Variants in CASP1 observed in about 807,000 individuals in gnomAD.
CASP1 encodes caspase 1, also known as caspase-1.
A neutral mutation model predicts 41.2 loss-of-function variants in CASP1; 31 were observed. The ratio of observed to expected loss-of-function variants is 0.75; its 90% CI spans 0.57 to 1.02. CASP1 has a LOEUF of 1.02. Ranked by LOEUF, CASP1 falls within the 50% of genes least tolerant of loss-of-function variation. The probability of loss-of-function intolerance (pLI) is 0.00; values close to 1 mark genes in which losing one functional copy is unlikely to be tolerated. For synonymous variants in CASP1, 163 were observed against 166.5 expected, an observed-to-expected ratio of 0.98 and a Z score of 0.16; for missense variants, 490 against 495.7, an observed-to-expected ratio of 0.99 and a Z score of 0.11.
intron 5 of CASP1, 120 bp downstream of exon 5, chr11:105,030,210 G>T: frequency 2.3e-6 from 2 of 871,714 alleles, no homozygotes; most frequent in Non-Finnish European, 1.8e-6. Context: ...CTCTCTCATG[G>T]CAAGTTTGTA....
In CASP1 at chr11:105,026,253, T is replaced by C. The variant is rs2134798395; in HGVS notation, c.*5A>G. 1 of 1,576,878 alleles carries C rather than the reference T, an allele frequency of 6.3e-7. No homozygotes were observed. The highest frequency in any genetic ancestry group is 1.3e-5 in the African/African-American group (1 of 74,208). ...GCCCACAGACATTCATACAGTTTCC[T>C]TATTTTAATGTCCTGGGAAGAGGTA... On this transcript the variant is annotated 3_prime_UTR_variant, in exon 9 of 9. Coordinates refer to ENST00000533400, the MANE Select transcript of CASP1 (RefSeq NM_001257118.3).
chr11:105,026,384 C>G, intron 8 of CASP1, 28 bp from the exon 9 acceptor site: 1 of 1,396,214 alleles, frequency 7.2e-7, no homozygotes. Context: ...GTCTGTAGCC[C>G]TTTTTTTTGC....
In CASP1 at chr11:105,026,143, C is replaced by A; in HGVS notation, c.*115G>T. Reference sequence around the variant, plus strand: ...AATTTTTGGATTAAGGATTCTCAGCCTGTAAACCTAGAGTTCTTGACTCAA... The same window carrying A: ...AATTTTTGGATTAAGGATTCTCAGCATGTAAACCTAGAGTTCTTGACTCAA... On this transcript the variant is annotated 3_prime_UTR_variant, in exon 9 of 9. Transcript: ENST00000533400. The A allele has an allele frequency of 1.6e-6, 1 of 631,234 alleles. No homozygotes were observed. Among genetic ancestry groups the A allele is most frequent in the East Asian group, 2.7e-5 (1 of 36,480 alleles). The allele number at this position is 631,234 out of a possible 1,614,324, so 39.1% of individuals were successfully genotyped here. A position where few individuals can be genotyped will look rare whatever the true frequency, so the allele number is the denominator to read the frequency against.
intron 2 of CASP1, among the ~76,000 whole-genome samples, chr11:105,033,327 T>A (rs1309241223): frequency 6.6e-6 from 1 of 152,174 alleles, no homozygotes; most frequent in Non-Finnish European, 1.5e-5. Context: ...AAAATACGTG[T>A]TTATTACACA....
At chr11:105,026,410 A>C in intron 8 of CASP1, 54 bp from the exon 9 acceptor site, 1 of 1,196,820 alleles carries the variant, frequency 8.4e-7, no homozygotes, top group Non-Finnish European at 1.2e-6. Flanking sequence ...TTTTTTTTTC[A>C]AGAATTTCTT....
At chr11:105,027,559 A>C (rs1863392869) in intron 7 of CASP1, among the ~76,000 whole-genome samples, 1 of 152,122 alleles carries the variant, frequency 6.6e-6, no homozygotes, top group Non-Finnish European at 1.5e-5. Flanking sequence ...TGAAGGCATA[A>C]AATTATGCAA....
rs149497321 is a variant in CASP1, at chr11:105,033,346, A to G, written c.275-220T>C. ...TACGTGTTTATTACACATAGATGAA[A>G]ACAGAAACATCTGCAATGTCTGCTT... On this transcript the variant is annotated intron_variant, in intron 2 of 8. Coordinates refer to ENST00000533400, the MANE Select transcript of CASP1 (RefSeq NM_001257118.3). Among the ~76,000 whole-genome samples, 24 of 152,342 alleles carry G rather than the reference A, an allele frequency of 1.6e-4. No individual in the cohort carries two copies. The East Asian group carries it at 3.9e-3, about 24-fold the overall frequency.
chr11:105,027,234 A>G (rs1863364385), intron 7 of CASP1: 1 of 588,854 alleles, frequency 1.7e-6, no homozygotes, highest in Non-Finnish European at 3.0e-6. Context: ...AACTCCATAC[A>G]CAAGAGGTAT....
At chr11:105,029,926 C>T (rs764518347) in intron 5 of CASP1, 27 bp from the exon 6 acceptor site, 77 of 1,481,410 alleles carry the variant, frequency 5.2e-5, no homozygotes, top group East Asian at 2.9e-4. Context: ...CACTGATTTT[C>T]GACTATGTAA....
At position 105,034,424 on chromosome 11, in the gene CASP1, C is replaced by G; in HGVS notation, c.58G>C (p.Gly20Arg). ...TCATCCAGTAAGCCATTTATTGTAC[C>G]TTCACCCATGGAACGGATAAACAGC... ...RKLFIRSMGE[G>R]TINGLLDELL... The change falls in exon 2 of 9, where the codon GGT becomes CGT. Residue 20 changes from glycine to arginine, a missense_variant. Coordinates refer to ENST00000533400, the MANE Select transcript of CASP1 (RefSeq NM_001257118.3). The G allele has an allele frequency of 1.9e-6, 3 of 1,614,140 alleles. No individual in the cohort carries two copies. Among genetic ancestry groups the G allele is most frequent in the Non-Finnish European group, 2.5e-6 (3 of 1,180,000 alleles).
rs557900220 is a variant in CASP1, at chr11:105,025,655, G to A, written c.*603C>T. On this transcript the variant is annotated 3_prime_UTR_variant, in exon 9 of 9. Coordinates refer to ENST00000533400, the MANE Select transcript of CASP1 (RefSeq NM_001257118.3). ...AAACATAGGAAAGAATTTTGTTAAA[G>A]ACATGCAAGTTATAAAGTTATACCA... The A allele has an allele frequency of 2.3e-4, 89 of 387,238 alleles. 1 individual carries two copies. Among genetic ancestry groups the A allele is most frequent in the South Asian group, 1.7e-3 (86 of 51,588 alleles). 24.0% of individuals were successfully genotyped at this position (387,238 alleles called of 1,614,324 possible).
At chr11:105,025,482 C>T, downstream of CASP1, 1 of 405,644 alleles carries the variant, frequency 2.5e-6, no homozygotes, top group South Asian at 1.8e-5. Flanking sequence ...CCTGTTTCTT[C>T]AGTGTGGGAG....
Position 105,030,414 on chromosome 11 carries a change from T to C in CASP1, c.543A>G (p.Gly181=). The C allele has an allele frequency of 1.2e-6, 2 of 1,613,656 alleles. No homozygotes were observed. The highest frequency in any genetic ancestry group is 1.7e-6 in the Non-Finnish European group (2 of 1,179,668). ...TCATGCCTGTGATGTCAACCTCAGC[T>C]CCAGTTCTTCTAGGAATACTGTCAA... ...EEFDSIPRRT[G]AEVDITGMTM... The change falls in exon 5 of 9, where the codon GGA becomes GGG. Residue 181 remains glycine (G), a synonymous_variant. Transcript: ENST00000533400.
intron 8 of CASP1, 42 bp from the exon 9 acceptor site, chr11:105,026,398 G>GTTT: frequency 5.2e-6 from 6 of 1,156,166 alleles, no homozygotes; most frequent in Non-Finnish European, 4.9e-6. Flanking sequence ...TTTTTGCTGA[G>GTTT]TTTTTTTTTT....
At position 105,029,906 on chromosome 11, in the gene CASP1, G is replaced by T; in HGVS notation, c.628-7C>A. On this transcript the variant is annotated splice_region_variant and splice_polypyrimidine_tract_variant and intron_variant, in intron 5 of 8. Coordinates refer to ENST00000533400, the MANE Select transcript of CASP1 (RefSeq NM_001257118.3). ...CCAGCTCTGTAGTCATGTCCTGAAAGACACCATATCACTGATTTTCGACTA... is the reference window on the plus strand; with the variant it reads ...CCAGCTCTGTAGTCATGTCCTGAAATACACCATATCACTGATTTTCGACTA... 6.3e-7 allele frequency: 1 copy of T among 1,590,628 alleles called. No individual in the cohort carries two copies. Among genetic ancestry groups the T allele is most frequent in the Non-Finnish European group, 8.6e-7 (1 of 1,158,766 alleles).
At chr11:105,028,303 C>A (rs1467423037) in intron 7 of CASP1, among the ~76,000 whole-genome samples, 1 of 151,952 alleles carries the variant, frequency 6.6e-6, no homozygotes, top group Non-Finnish European at 1.5e-5. Flanking sequence ...GGCCTTTGGG[C>A]CAGAGGTGAC....
Position 105,029,772 on chromosome 11 carries a change from A to G in CASP1, c.755T>C (p.Val252Ala), listed in dbSNP as rs971596037. 1 of 1,613,530 alleles carries G rather than the reference A, an allele frequency of 6.2e-7. No homozygotes were observed. Among genetic ancestry groups the G allele is most frequent in the Non-Finnish European group, 8.5e-7 (1 of 1,179,596 alleles). ...GICGKKHSEQ[V>A]PDILQLNAIF... ...TGCATTGAGTTGTAGTATATCTGGG[A>G]CTTGCTCAGAGTGTTTCTTCCCACA... Residue 252 changes from valine to alanine, a missense_variant, in exon 6 of 9, where the codon GTC becomes GCC. Val to Ala is a moderately conservative substitution (Grantham distance 64). Transcript: ENST00000533400.
Position 105,031,753 on chromosome 11 carries a change from G to C in CASP1, c.338-473C>G, listed in dbSNP as rs561727246. On this transcript the variant is annotated intron_variant, in intron 3 of 8. Transcript: ENST00000533400. ...ATTTACTTAATATACATGGTAGTAAGCACTAGGAATATTTTTTAATGAATC... is the reference window on the plus strand; with the variant it reads ...ATTTACTTAATATACATGGTAGTAACCACTAGGAATATTTTTTAATGAATC... 1.8e-4 allele frequency among the ~76,000 whole-genome samples: 27 copies of C among 152,130 alleles called. No homozygotes were observed. In the South Asian group the frequency reaches 4.8e-3, roughly 27 times the overall value.
At chr11:105,035,864 C>A (rs994341442), upstream of CASP1, among the ~76,000 whole-genome samples, 1 of 151,986 alleles carries the variant, frequency 6.6e-6, no homozygotes, top group East Asian at 1.9e-4. Flanking sequence ...AATGTGCCCA[C>A]CTTGGTCTCC....
Sources: allele counts gnomAD v4.1 joint callset (sites outside exome capture counted in the v4.1 genomes callset), GRCh38; gene constraint gnomAD v4.1.1; transcripts MANE v1.5; gene names NCBI Gene and HGNC (gene_info 2026-07-23, HGNC 2026-07-21).